SLC38A11: variants seen among roughly 807,000 people sequenced by gnomAD.
SLC38A11 encodes the protein putative sodium-coupled neutral amino acid transporter 11.
In SLC38A11, 51 loss-of-function variants were observed where a neutral mutation model predicts 49.4. The ratio of observed to expected loss-of-function variants is 1.03; its 90% CI spans 0.83 to 1.30. The LOEUF is 1.30. Ranked by LOEUF, SLC38A11 falls within the 50% of genes most tolerant of loss-of-function variation. The pLI, the probability that SLC38A11 is intolerant of heterozygous loss-of-function variation, is 0.00. For missense variants in SLC38A11, 574 were observed against 556.2 expected, an observed-to-expected ratio of 1.03 and a Z score of -0.32; for synonymous variants, 203 against 192.9, an observed-to-expected ratio of 1.05 and a Z score of -0.43.
At position 164,908,636 on chromosome 2, in the gene SLC38A11, T is replaced by A. The variant is rs765071451; in HGVS notation, c.1095+4A>T. On this transcript the variant is annotated splice_donor_region_variant and intron_variant, in intron 11 of 11. Transcript: ENST00000685975. ...TGAAGGGGTAAATCTTTGCACGTAC[T>A]CACATTGAGTTCTAGAACTATCCCG... The A allele has an allele frequency of 6.5e-7, 1 of 1,535,484 alleles. No homozygotes were observed. Among genetic ancestry groups the A allele is most frequent in the Non-Finnish European group, 8.8e-7 (1 of 1,135,738 alleles).
chr2:164,944,412 T>G lies in SLC38A11; in HGVS notation c.430+157A>C, dbSNP rs534135477. The G allele has an allele frequency of 3.5e-5, 12 of 344,196 alleles. No individual in the cohort carries two copies. In the East Asian group the frequency reaches 5.6e-4, roughly 16 times the overall value. The allele number at this position is 344,196 out of a possible 1,614,324, so 21.3% of individuals were successfully genotyped here. ...ATTATGTATAAAAGTAGACCAAAAC[T>G]TTAAGATCAGAATGGATCATGGATA... On this transcript the variant is annotated intron_variant, in intron 5 of 11. Coordinates refer to ENST00000685975, the MANE Select transcript of SLC38A11 (RefSeq NM_001351537.2).
chr2:164,915,851 A>G (rs1685741706), intron 8 of SLC38A11, 52 bp downstream of exon 8: 1 of 1,377,498 alleles, frequency 7.3e-7, no homozygotes, highest in African/African-American at 1.4e-5. Flanking sequence ...GCACTTTTTC[A>G]TGGAACAGAG....
chr2:164,898,804 T>G, intron 11 of SLC38A11, 74 bp from the exon 12 acceptor site: 1 of 1,446,158 alleles, frequency 6.9e-7, no homozygotes, highest in African/African-American at 1.4e-5. Flanking sequence ...TAAAAGCATT[T>G]ACAAAATGTG....
In SLC38A11 at chr2:164,908,696, C is replaced by CA; in HGVS notation, c.1038dup (p.Val347CysfsTer10). 6.2e-7 allele frequency: 1 copy of CA among 1,610,928 alleles called. No homozygotes were observed. The highest frequency in any genetic ancestry group is 8.5e-7 in the Non-Finnish European group (1 of 1,178,368). On this transcript the variant is annotated frameshift_variant, in exon 11 of 12. Coordinates refer to ENST00000685975, the MANE Select transcript of SLC38A11 (RefSeq NM_001351537.2). LOFTEE classifies it high-confidence loss of function. ...ATCAGCAATGACACAAGCGTGGCTACAGTGATGACCATCACTGTTACAACA... is the reference window on the plus strand; with the variant it reads ...ATCAGCAATGACACAAGCGTGGCTACAAGTGATGACCATCACTGTTACAACA...
chr2:164,952,628 ATGTG>A lies in SLC38A11; in HGVS notation c.229+75_229+78del, dbSNP rs35633373. 4,132 of 787,030 alleles carry A rather than the reference ATGTG, an allele frequency of 5.3e-3. 1 individual carries two copies. The highest frequency in any genetic ancestry group is 9.9e-3 in the South Asian group (622 of 62,704). The allele number at this position is 787,030 out of a possible 1,614,324, so 48.8% of individuals were successfully genotyped here. A position where few individuals can be genotyped will look rare whatever the true frequency, so the allele number is the denominator to read the frequency against. ...ATTAACTAGGAAATTCAGTTGCAGC[ATGTG>A]TGTGTGTGTGTGTGTATGTGTGTAG... On this transcript the variant is annotated intron_variant, in intron 3 of 11. Coordinates refer to ENST00000685975, the MANE Select transcript of SLC38A11 (RefSeq NM_001351537.2).
chr2:164,907,423 G>A (rs1685094128), intron 11 of SLC38A11, among the ~76,000 whole-genome samples: 2 of 151,092 alleles, frequency 1.3e-5, no homozygotes, highest in Non-Finnish European at 3.0e-5. Flanking sequence ...ACAGGCACAT[G>A]CCACCAAACC....
intron 11 of SLC38A11, among the ~76,000 whole-genome samples, chr2:164,899,261 T>G (rs1196579439): frequency 6.6e-6 from 1 of 152,124 alleles, no homozygotes; most frequent in East Asian, 1.9e-4. Context: ...CCTAAGGCAG[T>G]TAACATGAAA....
intron 7 of SLC38A11, among the ~76,000 whole-genome samples, 179 bp downstream of exon 7, chr2:164,937,171 G>A (rs569086766): frequency 6.6e-6 from 1 of 151,950 alleles, no homozygotes; most frequent in South Asian, 2.1e-4. Flanking sequence ...AGCCTTGTAG[G>A]GTCCAAATGA....
intron 5 of SLC38A11, among the ~76,000 whole-genome samples, chr2:164,943,550 T>G (rs1687920121): frequency 1.3e-5 from 2 of 152,134 alleles, no homozygotes; most frequent in Non-Finnish European, 2.9e-5. Context: ...AAAGCAAAAC[T>G]GTAGGGAGAG....
intron 2 of SLC38A11, among the ~76,000 whole-genome samples, chr2:164,954,353 ATTCACCACCACCCATATGCAGT>A (rs1367395135): frequency 2.0e-5 from 3 of 152,172 alleles, no homozygotes; most frequent in African/African-American, 7.2e-5. Context: ...CAGAAAAATG[ATTCACCACCACCCATATGCAGT>A]TTCACCTTAA....
chr2:164,915,582 T>G (rs1251455182), intron 8 of SLC38A11: 5 of 421,534 alleles, frequency 1.2e-5, no homozygotes, highest in African/African-American at 1.0e-4. Flanking sequence ...GTTTTCATCC[T>G]GTGGCTTCCT....
intron 7 of SLC38A11, among the ~76,000 whole-genome samples, chr2:164,916,724 C>CT (rs1685818191): frequency 6.6e-6 from 1 of 152,120 alleles, no homozygotes; most frequent in South Asian, 2.1e-4. Flanking sequence ...AATATATGCA[C>CT]TTTAAACAGC....
intron 7 of SLC38A11, among the ~76,000 whole-genome samples, chr2:164,916,509 CTT>C (rs1490523276): frequency 5.3e-5 from 8 of 152,096 alleles, no homozygotes; most frequent in African/African-American, 1.9e-4. Flanking sequence ...CAAAATAACA[CTT>C]AAGTATTATT....
intron 7 of SLC38A11, among the ~76,000 whole-genome samples, chr2:164,929,541 G>C (rs1686840813): frequency 6.6e-6 from 1 of 152,082 alleles, no homozygotes; most frequent in African/African-American, 2.4e-5. Context: ...GGTTGAGATT[G>C]CTGCTACCAT....
chr2:164,894,428 C>A lies in SLC38A11; in HGVS notation c.*4009G>T, dbSNP rs531080139. 7.2e-5 allele frequency among the ~76,000 whole-genome samples: 11 copies of A among 152,200 alleles called. No homozygotes were observed. In the East Asian group the frequency reaches 2.1e-3, roughly 29 times the overall value. On this transcript the variant is annotated 3_prime_UTR_variant, in exon 12 of 12. Coordinates refer to ENST00000685975, the MANE Select transcript of SLC38A11 (RefSeq NM_001351537.2). ...AAAAAGTGTCTTAACAAAAGACAAC[C>A]ATGTAAATTCTTTATCTGAATGACA...
Position 164,915,457 on chromosome 2 carries a change from A to G in SLC38A11, c.689-184T>C, listed in dbSNP as rs910809545. 10 of 542,360 alleles carry G rather than the reference A, an allele frequency of 1.8e-5. No individual in the cohort carries two copies. In the African/African-American group the frequency reaches 1.9e-4, roughly 11 times the overall value. The allele number at this position is 542,360 out of a possible 1,614,324, so 33.6% of individuals were successfully genotyped here. A position where few individuals can be genotyped will look rare whatever the true frequency, so the allele number is the denominator to read the frequency against. On this transcript the variant is annotated intron_variant, in intron 8 of 11. Coordinates refer to ENST00000685975, the MANE Select transcript of SLC38A11 (RefSeq NM_001351537.2). ...AGAAATGAGACCATTCATTCACATC[A>G]GGCTTATGTGGTCTTTTCATGTTAC...
At chr2:164,933,940 G>A (rs1177529503) in intron 7 of SLC38A11, among the ~76,000 whole-genome samples, 20 of 152,128 alleles carry the variant, frequency 1.3e-4, no homozygotes, top group Admixed American at 1.3e-3. Flanking sequence ...AAAGAGTTAA[G>A]TAAATAATCC....
rs1446883141 is a variant in SLC38A11, at chr2:164,896,389, T to C, written c.*2048A>G. The C allele has an allele frequency of 6.6e-6, 1 of 152,122 alleles. No individual in the cohort carries two copies. Among genetic ancestry groups the C allele is most frequent in the African/African-American group, 2.4e-5 (1 of 41,438 alleles). 9.4% of individuals were successfully genotyped at this position (152,122 alleles called of 1,614,324 possible). A position where few individuals can be genotyped will look rare whatever the true frequency, so the allele number is the denominator to read the frequency against. ...TATGAAGCAACACCAAAGTACAAGA[T>C]AAGAGATGGTTACGTGCTAAATTAT... is the stretch of plus-strand genomic sequence containing the variant. On this transcript the variant is annotated 3_prime_UTR_variant, in exon 12 of 12. Coordinates refer to ENST00000685975, the MANE Select transcript of SLC38A11 (RefSeq NM_001351537.2).
chr2:164,937,085 TATTCTA>T (rs1368445631), intron 7 of SLC38A11, among the ~76,000 whole-genome samples: 5 of 152,170 alleles, frequency 3.3e-5, no homozygotes, highest in South Asian at 2.1e-4. Flanking sequence ...ATTCATTTCT[TATTCTA>T]ATTCTAATTC....
Sources: allele counts gnomAD v4.1 joint callset (sites outside exome capture counted in the v4.1 genomes callset), GRCh38; gene constraint gnomAD v4.1.1; transcripts MANE v1.5; gene names NCBI Gene and HGNC (gene_info 2026-07-23, HGNC 2026-07-21).